Variants in SLC25A21 observed in about 807,000 individuals in gnomAD.
SLC25A21 encodes mitochondrial 2-oxodicarboxylate carrier.
A neutral mutation model predicts 43.8 loss-of-function variants in SLC25A21; 47 were observed. The ratio of observed to expected loss-of-function variants is 1.07; its 90% CI spans 0.85 to 1.37. The LOEUF is 1.37. Among genes scored for constraint, SLC25A21 ranks in the 40% most tolerant of loss-of-function variants. The pLI is 0.00. For synonymous variants in SLC25A21, 131 were observed against 121.3 expected, an observed-to-expected ratio of 1.08 and a Z score of -0.52; for missense variants, 352 against 350.2, an observed-to-expected ratio of 1.00 and a Z score of -0.04.
intron 2 of SLC25A21, among the ~76,000 whole-genome samples, chr14:36,842,520 G>T (rs1441646719): frequency 6.6e-6 from 1 of 152,208 alleles, no homozygotes; most frequent in African/African-American, 2.4e-5. Flanking sequence ...CCATAAGACG[G>T]AAGGAGCTTG....
intron 1 of SLC25A21, among the ~76,000 whole-genome samples, chr14:36,999,375 G>C (rs1009938232): frequency 3.9e-5 from 6 of 152,244 alleles, no homozygotes; most frequent in African/African-American, 1.4e-4. Context: ...AGAAACTGGA[G>C]GTTGGGGAGG....
chr14:36,712,838 G>A (rs1368030904), intron 6 of SLC25A21, among the ~76,000 whole-genome samples: 2 of 152,148 alleles, frequency 1.3e-5, no homozygotes, highest in Non-Finnish European at 2.9e-5. Flanking sequence ...GACAACATGA[G>A]ATTTTTTTGT....
At chr14:36,941,488 A>C (rs1169273953) in intron 1 of SLC25A21, among the ~76,000 whole-genome samples, 1 of 152,040 alleles carries the variant, frequency 6.6e-6, no homozygotes, top group African/African-American at 2.4e-5. Context: ...TTTGATATAA[A>C]TCTTGAATCA....
intron 3 of SLC25A21, among the ~76,000 whole-genome samples, chr14:36,778,444 C>T (rs8022435): frequency 0.47 from 71,139 of 152,138 alleles, 17,760 homozygotes; most frequent in East Asian, 0.69. Flanking sequence ...ATATTCAACA[C>T]GTATTAGTTC....
At position 36,900,874 on chromosome 14, in the gene SLC25A21, GAA is replaced by G. The variant is rs1260897374; in HGVS notation, c.71-25872_71-25871del. Among the ~76,000 whole-genome samples the G allele has an allele frequency of 5.9e-5, 9 of 152,240 alleles. No individual in the cohort carries two copies. In the South Asian group the frequency reaches 1.9e-3, roughly 32 times the overall value. On this transcript the variant is annotated intron_variant, in intron 1 of 9. Transcript: ENST00000331299. Reference sequence around the variant, plus strand: ...AGGGCATTTTGATTATTAAAACTGTGAACTGCTTCCTGGAAGGGCAAATAGAG... The same window carrying G: ...AGGGCATTTTGATTATTAAAACTGTGCTGCTTCCTGGAAGGGCAAATAGAG...
chr14:36,731,069 T>C (rs1399260823), intron 4 of SLC25A21, among the ~76,000 whole-genome samples: 2 of 150,650 alleles, frequency 1.3e-5, no homozygotes, highest in Non-Finnish European at 2.9e-5. Flanking sequence ...GCCTCCCGGG[T>C]TCACGCCATT....
In SLC25A21 at chr14:36,679,742, G is replaced by A; in HGVS notation, c.*916C>T. 1.0e-6 allele frequency: 1 copy of A among 985,382 alleles called. No individual in the cohort carries two copies. Among genetic ancestry groups the A allele is most frequent in the Non-Finnish European group, 1.2e-6 (1 of 829,910 alleles). The allele number at this position is 985,382 out of a possible 1,614,324, so 61.0% of individuals were successfully genotyped here. ...ATACATTCTTCCTAAAAATGGCACAGGTAGGCATGCTGAATAAAGGTATTT... is the reference window on the plus strand; with the variant it reads ...ATACATTCTTCCTAAAAATGGCACAAGTAGGCATGCTGAATAAAGGTATTT... On this transcript the variant is annotated 3_prime_UTR_variant, in exon 10 of 10. Coordinates refer to ENST00000331299, the MANE Select transcript of SLC25A21 (RefSeq NM_030631.4).
At chr14:36,764,079 A>AGAAAGAAAGAAGGAAGGAAG (rs1555326615) in intron 3 of SLC25A21, among the ~76,000 whole-genome samples, 6 of 41,850 alleles carry the variant, frequency 1.4e-4, no homozygotes, top group African/African-American at 5.9e-4. Context: ...AAAGAAAGAA[A>AGAAAGAAAGAAGGAAGGAAG]GAAGGAAGGA....
intron 2 of SLC25A21, among the ~76,000 whole-genome samples, chr14:36,846,308 A>G (rs989266507): frequency 1.3e-5 from 2 of 152,230 alleles, no homozygotes; most frequent in Non-Finnish European, 2.9e-5. Context: ...TCCCTGATCC[A>G]TAAGAATCTA....
At chr14:37,085,416 C>A (rs11848819) in intron 1 of SLC25A21, among the ~76,000 whole-genome samples, 2,049 of 151,616 alleles carry the variant, frequency 0.014, 41 homozygotes, top group African/African-American at 0.048. Context: ...GTGAACAAAC[C>A]CTAAAAACTA....
chr14:36,798,902 A>AAGAGAGAGAGAGACAG (rs1555328933), intron 3 of SLC25A21, among the ~76,000 whole-genome samples: 192 of 150,880 alleles, frequency 1.3e-3, no homozygotes, highest in African/African-American at 4.5e-3. Context: ...TAGGGAGAGA[A>AAGAGAGAGAGAGACAG]AGAGAGAGAG....
chr14:37,056,702 A>T (rs1169959997), intron 1 of SLC25A21, among the ~76,000 whole-genome samples: 1 of 152,158 alleles, frequency 6.6e-6, no homozygotes, highest in Non-Finnish European at 1.5e-5. Context: ...ACTGACCTCC[A>T]ACTACACACA....
At chr14:37,103,135 G>A (rs1401327549) in intron 1 of SLC25A21, among the ~76,000 whole-genome samples, 1 of 152,166 alleles carries the variant, frequency 6.6e-6, no homozygotes, top group Non-Finnish European at 1.5e-5. Flanking sequence ...TGGAATGCAT[G>A]TTTAACGTGC....
At chr14:36,756,342 T>C (rs1885927397) in intron 3 of SLC25A21, among the ~76,000 whole-genome samples, 1 of 152,212 alleles carries the variant, frequency 6.6e-6, no homozygotes. Flanking sequence ...CCTGGCTATG[T>C]ACGCGGCTTC....
chr14:36,850,418 CT>C (rs1429933641), intron 2 of SLC25A21, among the ~76,000 whole-genome samples: 1 of 152,060 alleles, frequency 6.6e-6, no homozygotes, highest in Non-Finnish European at 1.5e-5. Context: ...GCTCGTTTTG[CT>C]CCAAAGCTAA....
intron 1 of SLC25A21, among the ~76,000 whole-genome samples, chr14:37,046,569 C>T (rs539939932): frequency 1.3e-5 from 2 of 152,080 alleles, no homozygotes; most frequent in South Asian, 2.1e-4. Flanking sequence ...ACTGTTAAAT[C>T]CTGAACTTTC....
intron 2 of SLC25A21, among the ~76,000 whole-genome samples, chr14:36,865,039 T>TC (rs1387090115): frequency 6.6e-6 from 1 of 152,112 alleles, no homozygotes; most frequent in Non-Finnish European, 1.5e-5. Flanking sequence ...TTCTTTTTTT[T>TC]TTTTAAAAGA....
At chr14:36,980,092 G>A (rs143428799) in intron 1 of SLC25A21, among the ~76,000 whole-genome samples, 1 of 152,306 alleles carries the variant, frequency 6.6e-6, no homozygotes, top group Non-Finnish European at 1.5e-5. Context: ...GAAAGTACAG[G>A]CTGGGTGTAC....
chr14:36,917,303 T>A (rs1378615887), intron 1 of SLC25A21, among the ~76,000 whole-genome samples: 1 of 152,086 alleles, frequency 6.6e-6, no homozygotes, highest in South Asian at 2.1e-4. Context: ...ACTTCCAGCC[T>A]AGAAAAGTAA....
Sources: allele counts gnomAD v4.1 joint callset (sites outside exome capture counted in the v4.1 genomes callset), GRCh38; gene constraint gnomAD v4.1.1; transcripts MANE v1.5; gene names NCBI Gene and HGNC (gene_info 2026-07-23, HGNC 2026-07-21).